ATXN1: variants seen among roughly 807,000 people sequenced by gnomAD.
ATXN1 encodes the protein ataxin 1, also known as ataxin-1.
In ATXN1, 8 loss-of-function variants were observed where a neutral mutation model predicts 56.4. The observed-to-expected ratio is 0.14, with a 90% confidence interval of 0.08 to 0.26. ATXN1 has a LOEUF of 0.26. Ranked by LOEUF, ATXN1 falls within the 10% of genes least tolerant of loss-of-function variation. The probability of loss-of-function intolerance (pLI) is 1.00; values close to 1 mark genes in which losing one functional copy is unlikely to be tolerated. For synonymous variants in ATXN1, 514 were observed against 494.6 expected (o/e 1.04, Z -0.52); for missense variants, 987 against 1,106.5 (o/e 0.89, Z 1.53).
chr6:16,504,053 GC>G (rs1203920354), intron 5 of ATXN1, among the ~76,000 whole-genome samples: 1 of 152,048 alleles, frequency 6.6e-6, no homozygotes, highest in African/African-American at 2.4e-5. Context: ...CTTCCCCCTT[GC>G]CCCCACCTGC....
At chr6:16,709,362 T>C (rs572366988) in intron 2 of ATXN1, among the ~76,000 whole-genome samples, 9 of 152,108 alleles carry the variant, frequency 5.9e-5, no homozygotes, top group African/African-American at 1.7e-4. Flanking sequence ...AACTTACCAA[T>C]AGCAAGAATA....
chr6:16,650,205 T>G (rs1181340163), intron 3 of ATXN1, among the ~76,000 whole-genome samples: 4 of 152,158 alleles, frequency 2.6e-5, no homozygotes, highest in African/African-American at 9.7e-5. Context: ...ATTATATACA[T>G]AGTATGTTTA....
At chr6:16,443,978 T>A (rs560884968) in intron 6 of ATXN1, among the ~76,000 whole-genome samples, 4 of 151,920 alleles carry the variant, frequency 2.6e-5, no homozygotes, top group East Asian at 1.9e-4. Context: ...TAGCCAGGCG[T>A]GGTGGCGGGC....
intron 6 of ATXN1, among the ~76,000 whole-genome samples, chr6:16,415,337 C>G (rs1237692505): frequency 6.6e-6 from 1 of 152,136 alleles, no homozygotes; most frequent in Admixed American, 6.5e-5. Context: ...TCAAGAGATT[C>G]TCCTGCCTCA....
intron 2 of ATXN1, among the ~76,000 whole-genome samples, chr6:16,708,711 C>T (rs1244342024): frequency 2.6e-5 from 4 of 151,946 alleles, no homozygotes; most frequent in African/African-American, 7.3e-5. Context: ...AAAAAGAAGA[C>T]GTTCAAATCA....
intron 2 of ATXN1, among the ~76,000 whole-genome samples, chr6:16,732,339 G>A (rs1191367322): frequency 6.6e-6 from 1 of 152,170 alleles, no homozygotes; most frequent in Non-Finnish European, 1.5e-5. Flanking sequence ...AGGAGGCCGA[G>A]GCAGGTGGAT....
intron 4 of ATXN1, among the ~76,000 whole-genome samples, chr6:16,559,864 A>T (rs1037930529): frequency 7.2e-5 from 11 of 152,110 alleles, no homozygotes; most frequent in African/African-American, 1.4e-4. Context: ...TAATAAAAAA[A>T]AAATAAAGTT....
intron 3 of ATXN1, among the ~76,000 whole-genome samples, chr6:16,643,211 C>T (rs1763738465): frequency 6.6e-6 from 1 of 151,504 alleles, no homozygotes; most frequent in African/African-American, 2.4e-5. Flanking sequence ...AGAGATCGTG[C>T]CACTGCACTC....
chr6:16,370,588 A>G (rs1370008291), intron 6 of ATXN1, among the ~76,000 whole-genome samples: 2 of 152,250 alleles, frequency 1.3e-5, no homozygotes, highest in Admixed American at 1.3e-4. Flanking sequence ...TAAAAAATAT[A>G]AAACTGCTCC....
At chr6:16,583,468 TGTGGCG>T (rs1762563686) in intron 4 of ATXN1, among the ~76,000 whole-genome samples, 17 of 152,162 alleles carry the variant, frequency 1.1e-4, no homozygotes, top group Admixed American at 1.1e-3. Flanking sequence ...AAGAGCTGGG[TGTGGCG>T]GGGGGGTCTC....
chr6:16,448,896 T>TCC (rs1275160207), intron 6 of ATXN1, among the ~76,000 whole-genome samples: 1 of 152,200 alleles, frequency 6.6e-6, no homozygotes, highest in Non-Finnish European at 1.5e-5. Flanking sequence ...CTCTACATCT[T>TCC]CAAGATTTGC....
chr6:16,635,588 C>T (rs1039017468), intron 3 of ATXN1, among the ~76,000 whole-genome samples: 2 of 152,226 alleles, frequency 1.3e-5, no homozygotes, highest in African/African-American at 4.8e-5. Flanking sequence ...ACAGCTCCAA[C>T]TAAACCTACA....
At chr6:16,561,227 G>T (rs1401058159) in intron 4 of ATXN1, among the ~76,000 whole-genome samples, 1 of 152,044 alleles carries the variant, frequency 6.6e-6, no homozygotes, top group Non-Finnish European at 1.5e-5. Context: ...GTATAGTGAT[G>T]CCATAACACT....
intron 2 of ATXN1, among the ~76,000 whole-genome samples, chr6:16,673,598 G>A (rs936959296): frequency 6.6e-6 from 1 of 152,166 alleles, no homozygotes; most frequent in Non-Finnish European, 1.5e-5. Flanking sequence ...GCAGAGGACT[G>A]TTTGGTGCAT....
intron 4 of ATXN1, among the ~76,000 whole-genome samples, chr6:16,532,712 AC>A (rs1037481536): frequency 5.3e-5 from 8 of 152,220 alleles, no homozygotes; most frequent in East Asian, 3.9e-4. Flanking sequence ...AACAAAAAAA[AC>A]AACCCCCAAA....
At chr6:16,418,569 T>C (rs919557931) in intron 6 of ATXN1, among the ~76,000 whole-genome samples, 2 of 152,048 alleles carry the variant, frequency 1.3e-5, no homozygotes, top group Admixed American at 1.3e-4. Flanking sequence ...TATTTTATTA[T>C]TATTATACTT....
chr6:16,594,178 TGAC>T (rs1231055487), intron 3 of ATXN1, among the ~76,000 whole-genome samples: 1 of 149,422 alleles, frequency 6.7e-6, no homozygotes, highest in African/African-American at 2.5e-5. Context: ...ATATGTCTGT[TGAC>T]GACCTTTAAA....
rs1056091107 is a variant in ATXN1 at position 16,562,414 on chromosome 6, G to C, written c.-361+23366C>G. 9.4e-5 allele frequency among the ~76,000 whole-genome samples: 11 copies of C among 117,362 alleles called. No individual in the cohort carries two copies. In the East Asian group the frequency reaches 2.4e-3, roughly 26 times the overall value. 77.0% of individuals were successfully genotyped at this position (117,362 alleles called of 152,430 possible). ...AAGAAGAAGAAAGAAGAAAGAAGGG[G>C]AATGGGGAAGGGGAAGGAGAAGAAA... On this transcript the variant is annotated intron_variant, in intron 4 of 7. Transcript: ENST00000436367.
intron 6 of ATXN1, among the ~76,000 whole-genome samples, chr6:16,334,319 A>T (rs976426704): frequency 6.6e-6 from 1 of 152,186 alleles, no homozygotes; most frequent in African/African-American, 2.4e-5. Flanking sequence ...AGGGTTGAAG[A>T]GATCTGGTTT....
Sources: allele counts gnomAD v4.1 joint callset (sites outside exome capture counted in the v4.1 genomes callset), GRCh38; gene constraint gnomAD v4.1.1; transcripts MANE v1.5; gene names NCBI Gene and HGNC (gene_info 2026-07-23, HGNC 2026-07-21).